Variants in DGKB observed in about 807,000 individuals in gnomAD.
DGKB encodes diacylglycerol kinase beta, also known as 90 kDa diacylglycerol kinase.
DGKB carries 67 observed loss-of-function variants against 114.3 expected under a neutral mutation model. That is an observed-to-expected ratio of 0.59 (90% confidence interval 0.48 to 0.72). The LOEUF is 0.72. Among genes scored for constraint, DGKB ranks in the 30% least tolerant of loss-of-function variants. DGKB has a pLI of 0.00. For missense variants in DGKB, 907 were observed against 975.2 expected (o/e 0.93, Z 0.93); for synonymous variants, 398 against 323.1 (o/e 1.23, Z -2.49).
At chr7:14,966,523 C>T (rs1046574227) in intron 1 of DGKB, among the ~76,000 whole-genome samples, 5 of 151,916 alleles carry the variant, frequency 3.3e-5, no homozygotes, top group South Asian at 2.1e-4. Context: ...CTGCTGGTCT[C>T]GAACTCCTGG....
chr7:14,904,728 A>C (rs1400963031), upstream of DGKB, among the ~76,000 whole-genome samples: 1 of 152,178 alleles, frequency 6.6e-6, no homozygotes, highest in Non-Finnish European at 1.5e-5. Flanking sequence ...ATTCTAATTA[A>C]ACATGATGCC....
At chr7:14,893,710 T>A (rs1781664306) in intron 1 of DGKB, among the ~76,000 whole-genome samples, 1 of 151,376 alleles carries the variant, frequency 6.6e-6, no homozygotes, top group African/African-American at 2.4e-5. Flanking sequence ...TTTCTAGGTA[T>A]ATCTTGAGAA....
intron 23 of DGKB, among the ~76,000 whole-genome samples, chr7:14,185,531 T>C (rs548848129): frequency 6.2e-4 from 94 of 151,998 alleles, no homozygotes; most frequent in African/African-American, 2.2e-3. Flanking sequence ...AAAAATCATA[T>C]AGAACCAAAA....
At chr7:14,404,707 C>A (rs1359817317) in intron 21 of DGKB, among the ~76,000 whole-genome samples, 1 of 151,792 alleles carries the variant, frequency 6.6e-6, no homozygotes, top group Non-Finnish European at 1.5e-5. Context: ...CCCTTCAGTC[C>A]CCTCCTCTAT....
At chr7:14,628,099 GTC>G (rs1808979414) in intron 14 of DGKB, among the ~76,000 whole-genome samples, 1 of 152,106 alleles carries the variant, frequency 6.6e-6, no homozygotes, top group African/African-American at 2.4e-5. Context: ...CACACTCATT[GTC>G]TCTTTCTACC....
chr7:14,760,399 A>C (rs1054632689), intron 2 of DGKB, among the ~76,000 whole-genome samples: 4 of 152,138 alleles, frequency 2.6e-5, no homozygotes, highest in African/African-American at 9.7e-5. Context: ...AATGGCAAAA[A>C]ATTACAATAA....
intron 14 of DGKB, among the ~76,000 whole-genome samples, chr7:14,622,831 C>T (rs1807905158): frequency 6.6e-6 from 1 of 152,098 alleles, no homozygotes; most frequent in South Asian, 2.1e-4. Context: ...AAATTCAGAG[C>T]TCTTGCAATC....
intron 21 of DGKB, among the ~76,000 whole-genome samples, chr7:14,391,881 C>T (rs1018918303): frequency 6.6e-6 from 1 of 152,110 alleles, no homozygotes; most frequent in Non-Finnish European, 1.5e-5. Flanking sequence ...AGAGACTTTA[C>T]TAATCATATG....
At chr7:14,933,251 A>G (rs1785119818) in intron 1 of DGKB, among the ~76,000 whole-genome samples, 1 of 152,230 alleles carries the variant, frequency 6.6e-6, no homozygotes, top group Admixed American at 6.5e-5. Flanking sequence ...TATCAACAGA[A>G]CATACTTAAA....
chr7:14,748,138 G>C (rs1215837844), intron 4 of DGKB, among the ~76,000 whole-genome samples: 2 of 152,134 alleles, frequency 1.3e-5, no homozygotes, highest in Non-Finnish European at 2.9e-5. Flanking sequence ...TATTCAGAAA[G>C]TGTTCTTTGA....
intron 23 of DGKB, among the ~76,000 whole-genome samples, chr7:14,299,265 AG>A (rs1384335822): frequency 6.6e-6 from 1 of 152,172 alleles, no homozygotes; most frequent in African/African-American, 2.4e-5. Context: ...TAATCATTTC[AG>A]GTTGTCTATA....
At chr7:14,289,672 T>G (rs1801427121) in intron 23 of DGKB, among the ~76,000 whole-genome samples, 1 of 151,892 alleles carries the variant, frequency 6.6e-6, no homozygotes, top group South Asian at 2.1e-4. Context: ...GGTTTCATTT[T>G]TTAAAAGTCC....
intron 14 of DGKB, among the ~76,000 whole-genome samples, chr7:14,624,306 C>A (rs1808185677): frequency 6.6e-6 from 1 of 152,150 alleles, no homozygotes; most frequent in Non-Finnish European, 1.5e-5. Flanking sequence ...TTGTAAAAAT[C>A]TGCAATGTGA....
chr7:14,173,362 C>T (rs761574377), intron 25 of DGKB, among the ~76,000 whole-genome samples: 1 of 152,098 alleles, frequency 6.6e-6, no homozygotes, highest in Non-Finnish European at 1.5e-5. Flanking sequence ...AAATTCACCA[C>T]GTTAACTTAC....
At chr7:14,920,687 C>T (rs911197424) in intron 1 of DGKB, among the ~76,000 whole-genome samples, 1 of 152,072 alleles carries the variant, frequency 6.6e-6, no homozygotes, top group Non-Finnish European at 1.5e-5. Context: ...CACACAAAAC[C>T]CTTCACAGGA....
intron 13 of DGKB, among the ~76,000 whole-genome samples, chr7:14,644,018 A>G (rs537193214): frequency 6.6e-6 from 1 of 152,060 alleles, no homozygotes; most frequent in Non-Finnish European, 1.5e-5. Context: ...AGACTGGCCT[A>G]CCTGGGCTCT....
At chr7:14,374,296 T>G (rs1350058218) in intron 21 of DGKB, among the ~76,000 whole-genome samples, 3 of 152,208 alleles carry the variant, frequency 2.0e-5, no homozygotes, top group African/African-American at 7.2e-5. Context: ...CTGGGAGCGA[T>G]GAAGTGGACC....
intron 1 of DGKB, among the ~76,000 whole-genome samples, chr7:14,855,429 A>C (rs1462730749): frequency 1.3e-5 from 2 of 152,206 alleles, no homozygotes; most frequent in African/African-American, 4.8e-5. Context: ...ACTAGAAAAA[A>C]GATCTAGAAC....
At chr7:14,409,056 G>A (rs1388299717) in intron 21 of DGKB, among the ~76,000 whole-genome samples, 1 of 152,122 alleles carries the variant, frequency 6.6e-6, no homozygotes, top group African/African-American at 2.4e-5. Context: ...TTGCAGCTGA[G>A]AGAAATGTAA....
Sources: gnomAD v4.1 joint callset for allele counts (sites outside exome capture counted in the v4.1 genomes callset) on GRCh38, gnomAD v4.1.1 for gene constraint, MANE v1.5 for transcripts, NCBI Gene and HGNC (gene_info 2026-07-23, HGNC 2026-07-21) for gene names.